PACRGL: variants seen among roughly 807,000 people sequenced by gnomAD.
The protein encoded by PACRGL is parkin coregulated like, also known as PACRG-like protein.
In PACRGL, 38 loss-of-function variants were observed where a neutral mutation model predicts 34.5. The observed-to-expected ratio is 1.10, with a 90% CI of 0.85 to 1.44. The LOEUF is 1.44. Ranked by LOEUF, PACRGL falls within the 40% of genes most tolerant of loss-of-function variation. The pLI is 0.00. For synonymous variants in PACRGL, 128 were observed against 100.1 expected (o/e 1.28, Z -1.66); for missense variants, 305 against 281.4 (o/e 1.08, Z -0.60).
At chr4:20,717,526 G>A (rs76201957) in intron 7 of PACRGL, among the ~76,000 whole-genome samples, 49,354 of 151,990 alleles carry the variant, frequency 0.32, 8,478 homozygotes, top group African/African-American at 0.43. Flanking sequence ...TGTAAGGAAG[G>A]GATCCAGTTT....
upstream of PACRGL, among the ~76,000 whole-genome samples, chr4:20,697,914 C>T (rs749967231): frequency 6.6e-6 from 1 of 152,196 alleles, no homozygotes; most frequent in Non-Finnish European, 1.5e-5. Flanking sequence ...AAAGCCCCAC[C>T]TCCAAATACC....
In PACRGL at chr4:20,729,377, A is replaced by G. The variant is rs559515201; in HGVS notation, c.*2036A>G. On this transcript the variant is annotated 3_prime_UTR_variant, in exon 9 of 9. Coordinates refer to ENST00000503585, the MANE Select transcript of PACRGL (RefSeq NM_001258345.3). ...GTAAGAAAGATTGAACAAATCCAAA[A>G]TTATTATATAGGCCTTGGCTGTAAC... The G allele has an allele frequency of 6.6e-6, 1 of 151,858 alleles. No individual in the cohort carries two copies. Among genetic ancestry groups the G allele is most frequent in the African/African-American group, 2.4e-5 (1 of 41,466 alleles). The allele number at this position is 151,858 out of a possible 1,614,324, so 9.4% of individuals were successfully genotyped here. A position where few individuals can be genotyped will look rare whatever the true frequency, so the allele number is the denominator to read the frequency against.
chr4:20,748,560 T>TTATATATATA (rs3075750), intron 8 of PACRGL, among the ~76,000 whole-genome samples: 22 of 64,890 alleles, frequency 3.4e-4, no homozygotes, highest in Non-Finnish European at 4.4e-4. Context: ...CTTCCAAATT[T>TTATATATATA]TATATATATA....
chr4:20,741,177 A>G (rs1461391840), intron 8 of PACRGL, among the ~76,000 whole-genome samples: 2 of 152,202 alleles, frequency 1.3e-5, no homozygotes, highest in African/African-American at 4.8e-5. Context: ...CAGAAAGTTA[A>G]CAAGGATATC....
At chr4:20,753,304 A>G (rs561065856), downstream of PACRGL, among the ~76,000 whole-genome samples, 1 of 152,236 alleles carries the variant, frequency 6.6e-6, no homozygotes, top group East Asian at 1.9e-4. Context: ...TAGAGTAGAA[A>G]AAACCCCTAG....
At chr4:20,748,898 A>G (rs60547794) in intron 8 of PACRGL, among the ~76,000 whole-genome samples, 35,173 of 117,704 alleles carry the variant, frequency 0.3, 4,262 homozygotes, top group Non-Finnish European at 0.32. Context: ...GTGTGTGTAT[A>G]TATATATATA....
chr4:20,696,896 TG>T (rs1453795480), upstream of PACRGL, among the ~76,000 whole-genome samples: 1 of 152,204 alleles, frequency 6.6e-6, no homozygotes, highest in African/African-American at 2.4e-5. Flanking sequence ...ACATTAATAG[TG>T]TTTATATTTA....
downstream of PACRGL, chr4:20,732,617 A>C: frequency 1.0e-6 from 1 of 986,640 alleles, no homozygotes; most frequent in East Asian, 2.4e-5. Context: ...ATCGTGGTGC[A>C]TGGCAAACAT....
intron 8 of PACRGL, among the ~76,000 whole-genome samples, chr4:20,741,503 G>C (rs1457414213): frequency 6.6e-6 from 1 of 152,174 alleles, no homozygotes; most frequent in Non-Finnish European, 1.5e-5. Context: ...CAGAAATAAA[G>C]ATGTTCTTTG....
At position 20,729,648 on chromosome 4, in the gene PACRGL, A is replaced by AAATTAATTTAATTTCTGGAAATT. The variant is rs1747397065; in HGVS notation, c.*2310_*2332dup. On this transcript the variant is annotated 3_prime_UTR_variant, in exon 9 of 9. Coordinates refer to ENST00000503585, the MANE Select transcript of PACRGL (RefSeq NM_001258345.3). ...ATGGAATTACAGCATTCAAACATGA[A>AAATTAATTTAATTTCTGGAAATT]AATTAATTTAATTTCTGGAAATTAA... 1 of 152,196 alleles carries AAATTAATTTAATTTCTGGAAATT rather than the reference A, an allele frequency of 6.6e-6. No individual in the cohort carries two copies. Among genetic ancestry groups the AAATTAATTTAATTTCTGGAAATT allele is most frequent in the Non-Finnish European group, 1.5e-5 (1 of 68,612 alleles). The allele number at this position is 152,196 out of a possible 1,614,324, so 9.4% of individuals were successfully genotyped here.
At chr4:20,765,705 A>C in the PACRGL span, among the ~76,000 whole-genome samples, 1 of 152,300 alleles carries the variant, frequency 6.6e-6, no homozygotes, top group East Asian at 1.9e-4. Context: ...TATGATGACC[A>C]TTGCATTTCT....
intron 1 of PACRGL, among the ~76,000 whole-genome samples, chr4:20,703,246 A>C (rs1190062234): frequency 6.6e-6 from 1 of 152,174 alleles, no homozygotes; most frequent in Non-Finnish European, 1.5e-5. Context: ...AAGATCTTAC[A>C]CTATACTTGA....
chr4:20,704,410 A>G, intron 1 of PACRGL, 56 bp from the exon 2 acceptor site: 3 of 1,526,276 alleles, frequency 2.0e-6, no homozygotes, highest in Non-Finnish European at 2.7e-6. Flanking sequence ...TTTTATTGAT[A>G]ACAAATGCCC....
intron 8 of PACRGL, 140 bp from the exon 9 acceptor site, chr4:20,727,134 CTCAGCAAAAAG>C: frequency 1.6e-6 from 1 of 634,326 alleles, no homozygotes; most frequent in Non-Finnish European, 2.7e-6. Context: ...TTTTATTTAA[CTCAGCAAAAAG>C]TCCTTCTTAT....
At chr4:20,696,922 GATA>G (rs1731268089), upstream of PACRGL, among the ~76,000 whole-genome samples, 1 of 152,154 alleles carries the variant, frequency 6.6e-6, no homozygotes, top group African/African-American at 2.4e-5. Context: ...AAGTTGAAGT[GATA>G]ATATTTTGGA....
At position 20,713,452 on chromosome 4, in the gene PACRGL, G is replaced by A. The variant is rs1578199504; in HGVS notation, c.522G>A (p.Val174=). ...TACAGGTCCATTCGGATGATGAAGT[G>A]TTTGAAAGAGGATTGAATGCTCTAG... is the stretch of plus-strand genomic sequence containing the variant. ...KAALVHSDDE[V]FERGLNALVQ... The change falls in exon 7 of 9, where the codon GTG becomes GTA. Residue 174 remains valine, a synonymous_variant. Coordinates refer to ENST00000503585, the MANE Select transcript of PACRGL (RefSeq NM_001258345.3). The A allele has an allele frequency of 2.5e-6, 4 of 1,613,570 alleles. No individual in the cohort carries two copies. Among genetic ancestry groups the A allele is most frequent in the Middle Eastern group, 1.7e-4 (1 of 6,056 alleles).
At position 20,728,531 on chromosome 4, in the gene PACRGL, T is replaced by TATC. The variant is rs1200513295; in HGVS notation, c.*1191_*1193dup. ...CATTGCATTGAGCACCATCCAGAGC[T>TATC]ATCTGCCATCTAGAAAGTACTGTAA... On this transcript the variant is annotated 3_prime_UTR_variant, in exon 9 of 9. Coordinates refer to ENST00000503585, the MANE Select transcript of PACRGL (RefSeq NM_001258345.3). The TATC allele has an allele frequency of 1.3e-5, 2 of 152,500 alleles. No individual in the cohort carries two copies. The highest frequency in any genetic ancestry group is 4.8e-5 in the African/African-American group (2 of 41,586). The allele number at this position is 152,500 out of a possible 1,614,324, so 9.4% of individuals were successfully genotyped here.
At chr4:20,709,639 G>C (rs780305721) in intron 4 of PACRGL, 44 bp from the exon 5 acceptor site, 1 of 1,261,372 alleles carries the variant, frequency 7.9e-7, no homozygotes, top group Non-Finnish European at 1.1e-6. Context: ...GCTTAATATA[G>C]AATTATATTT....
At chr4:20,738,142 A>G (rs905295624) in intron 8 of PACRGL, among the ~76,000 whole-genome samples, 7 of 152,136 alleles carry the variant, frequency 4.6e-5, no homozygotes, top group Non-Finnish European at 1.5e-5. Flanking sequence ...AAAAAAAAAA[A>G]AAATCCTTAG....
Sources: allele counts gnomAD v4.1 joint callset (sites outside exome capture counted in the v4.1 genomes callset), GRCh38; gene constraint gnomAD v4.1.1; transcripts MANE v1.5; gene names NCBI Gene and HGNC (gene_info 2026-07-23, HGNC 2026-07-21).